Variants in KIAA1328 observed in about 807,000 individuals in gnomAD.
KIAA1328 encodes the protein protein hinderin.
KIAA1328 carries 52 observed loss-of-function variants against 68.1 expected under a neutral mutation model. The observed-to-expected ratio is 0.76, with a 90% CI of 0.61 to 0.96. KIAA1328 has a LOEUF of 0.96. KIAA1328 is among the 40% of genes least tolerant of loss of function. The pLI, the probability that KIAA1328 is intolerant of heterozygous loss-of-function variation, is 0.00. For missense variants in KIAA1328, 641 were observed against 677.6 expected (o/e 0.95, Z 0.60); for synonymous variants, 232 against 239.4 (o/e 0.97, Z 0.28).
At chr18:36,848,400 T>TA (rs2047096839) in intron 4 of KIAA1328, among the ~76,000 whole-genome samples, 1 of 151,380 alleles carries the variant, frequency 6.6e-6, no homozygotes, top group Non-Finnish European at 1.5e-5. Context: ...TTTTTTAACA[T>TA]ATATTGGCTT....
intron 4 of KIAA1328, among the ~76,000 whole-genome samples, chr18:36,849,498 A>G (rs1220166401): frequency 1.3e-5 from 2 of 151,948 alleles, no homozygotes; most frequent in African/African-American, 2.4e-5. Context: ...TGGTTATTCT[A>G]TATAACTGGA....
chr18:36,923,148 T>C (rs1296007700), intron 5 of KIAA1328, among the ~76,000 whole-genome samples: 2 of 152,122 alleles, frequency 1.3e-5, no homozygotes, highest in Non-Finnish European at 2.9e-5. Flanking sequence ...CTGCTAAAAT[T>C]ACTTAGATGT....
At chr18:36,923,914 T>C (rs1272597915) in intron 5 of KIAA1328, 4 of 152,156 alleles carry the variant, frequency 2.6e-5, no homozygotes, top group Non-Finnish European at 5.9e-5. Context: ...GAGTTCTGAT[T>C]TGATGAGAGT....
chr18:37,202,903 A>G (rs1049508238), intron 9 of KIAA1328, among the ~76,000 whole-genome samples: 4 of 152,146 alleles, frequency 2.6e-5, no homozygotes, highest in African/African-American at 9.6e-5. Context: ...TTATAAATTA[A>G]TGATTATTCA....
intron 4 of KIAA1328, among the ~76,000 whole-genome samples, chr18:36,875,523 T>G (rs2048091248): frequency 6.6e-6 from 1 of 152,244 alleles, no homozygotes. Context: ...TTTTGTATCC[T>G]GAGACTTTGC....
At chr18:37,157,296 G>A (rs144736680) in intron 7 of KIAA1328, among the ~76,000 whole-genome samples, 1 of 151,886 alleles carries the variant, frequency 6.6e-6, no homozygotes, top group African/African-American at 2.4e-5. Context: ...CATGCCTATT[G>A]GAAGAAATTA....
chr18:36,921,468 A>T (rs1474790465), intron 5 of KIAA1328, among the ~76,000 whole-genome samples: 2 of 152,094 alleles, frequency 1.3e-5, no homozygotes, highest in African/African-American at 4.8e-5. Flanking sequence ...CAGTGGCGTC[A>T]TATCGGCTCA....
intron 1 of KIAA1328, 60 bp downstream of exon 1, chr18:36,829,256 G>C: frequency 6.8e-7 from 1 of 1,460,698 alleles, no homozygotes. Flanking sequence ...CGAGGGGCGA[G>C]CCGTCGCGTG....
intron 6 of KIAA1328, among the ~76,000 whole-genome samples, chr18:37,034,195 A>G (rs1051443038): frequency 6.6e-6 from 1 of 152,146 alleles, no homozygotes; most frequent in African/African-American, 2.4e-5. Flanking sequence ...TAGTAATAAA[A>G]CTTATGGGGA....
chr18:37,205,669 G>A (rs2060203536), intron 9 of KIAA1328, among the ~76,000 whole-genome samples: 1 of 152,116 alleles, frequency 6.6e-6, no homozygotes, highest in Admixed American at 6.5e-5. Flanking sequence ...TTTCCCTCTT[G>A]AACTAAAGAT....
chr18:36,890,564 G>A (rs1241555184), intron 5 of KIAA1328, among the ~76,000 whole-genome samples: 1 of 152,042 alleles, frequency 6.6e-6, no homozygotes, highest in African/African-American at 2.4e-5. Flanking sequence ...CCAACTACTC[G>A]GGAGGCTGAG....
At chr18:37,217,321 A>G (rs2060463818) in intron 9 of KIAA1328, among the ~76,000 whole-genome samples, 1 of 151,996 alleles carries the variant, frequency 6.6e-6, no homozygotes, top group Non-Finnish European at 1.5e-5. Flanking sequence ...GTTCCTTTCC[A>G]TGTTTAGTGC....
At chr18:37,174,579 AT>A (rs528542161) in intron 9 of KIAA1328, among the ~76,000 whole-genome samples, 69 of 129,910 alleles carry the variant, frequency 5.3e-4, no homozygotes, top group African/African-American at 2.1e-3. Flanking sequence ...TTTTATTTTT[AT>A]TTTTATTTTA....
intron 4 of KIAA1328, among the ~76,000 whole-genome samples, chr18:36,844,750 A>G (rs2046971095): frequency 6.6e-6 from 1 of 151,852 alleles, no homozygotes; most frequent in Admixed American, 6.6e-5. Context: ...TTTGATACTT[A>G]GCTGTTTGGG....
chr18:37,134,324 T>C (rs547281208), intron 7 of KIAA1328, among the ~76,000 whole-genome samples: 3 of 152,310 alleles, frequency 2.0e-5, no homozygotes, highest in South Asian at 2.1e-4. Context: ...TTCTTAACTG[T>C]TATTGAGGAC....
chr18:37,033,855 G>A (rs2054926914), intron 6 of KIAA1328, among the ~76,000 whole-genome samples: 1 of 152,158 alleles, frequency 6.6e-6, no homozygotes, highest in African/African-American at 2.4e-5. Context: ...AAAAATTTAT[G>A]TCTATTTTAG....
intron 7 of KIAA1328, among the ~76,000 whole-genome samples, chr18:37,113,164 C>T (rs2057987757): frequency 6.6e-6 from 1 of 152,056 alleles, no homozygotes; most frequent in South Asian, 2.1e-4. Flanking sequence ...GAGAATGCCA[C>T]AAAGATATCC....
chr18:36,864,900 G>A (rs1414331250), intron 4 of KIAA1328, among the ~76,000 whole-genome samples: 2 of 151,368 alleles, frequency 1.3e-5, no homozygotes, highest in Admixed American at 1.3e-4. Context: ...AATGACTTCA[G>A]GATCTGTGCT....
intron 7 of KIAA1328, among the ~76,000 whole-genome samples, chr18:37,117,385 C>T (rs1460539309): frequency 2.0e-5 from 3 of 152,134 alleles, no homozygotes; most frequent in South Asian, 4.1e-4. Context: ...AGCAAACTAT[C>T]GCAAGGACAG....
Sources: allele counts gnomAD v4.1 joint callset (sites outside exome capture counted in the v4.1 genomes callset), GRCh38; gene constraint gnomAD v4.1.1; transcripts MANE v1.5; gene names NCBI Gene and HGNC (gene_info 2026-07-23, HGNC 2026-07-21).